The following PLEKHG1 variants were observed in gnomAD, a reference collection of about 807,000 sequenced individuals.
The protein encoded by PLEKHG1 is pleckstrin homology and RhoGEF domain containing G1.
A neutral mutation model predicts 100.8 loss-of-function variants in PLEKHG1; 44 were observed. The observed-to-expected ratio is 0.44, with a 90% CI of 0.34 to 0.56. The LOEUF is 0.56. Among genes scored for constraint, PLEKHG1 ranks in the 20% least tolerant of loss-of-function variants. The probability of loss-of-function intolerance (pLI) is 0.01; values close to 1 mark genes in which losing one functional copy is unlikely to be tolerated. For synonymous variants in PLEKHG1, 640 were observed against 662.5 expected (o/e 0.97, Z 0.52); for missense variants, 1,545 against 1,720.9 (o/e 0.90, Z 1.81).
At chr6:150,735,735 C>T (rs1365558930) in intron 2 of PLEKHG1, among the ~76,000 whole-genome samples, 2 of 152,092 alleles carry the variant, frequency 1.3e-5, no homozygotes, top group African/African-American at 2.4e-5. Context: ...TTAAAGCTTT[C>T]TTTGGGCTAT....
intron 15 of PLEKHG1, among the ~76,000 whole-genome samples, chr6:150,839,307 G>A (rs986686126): frequency 2.0e-5 from 3 of 152,108 alleles, no homozygotes; most frequent in Non-Finnish European, 2.9e-5. Context: ...GTAGAGATGG[G>A]GTTTCACCAT....
At chr6:150,696,482 C>T (rs1226822105) in intron 3 of PLEKHG1, among the ~76,000 whole-genome samples, 2 of 152,156 alleles carry the variant, frequency 1.3e-5, no homozygotes, top group African/African-American at 4.8e-5. Flanking sequence ...TACACACACA[C>T]ACGGCACGCA....
Position 150,737,805 on chromosome 6 carries a change from CTTTA to C in PLEKHG1, c.411+3719_411+3722del, listed in dbSNP as rs550670553. Among the ~76,000 whole-genome samples, 29 of 151,824 alleles carry C rather than the reference CTTTA, an allele frequency of 1.9e-4. No individual in the cohort carries two copies. The South Asian group carries it at 4.0e-3, about 21-fold the overall frequency. On this transcript the variant is annotated intron_variant, in intron 2 of 15. Transcript: ENST00000358517. ...AAGACGGACTTTTTTTTAGTTGGCT[CTTTA>C]TTTATCTATTTTGAATAAGCATCTC...
chr6:150,764,709 A>G (rs1192001037), intron 2 of PLEKHG1, among the ~76,000 whole-genome samples: 2 of 151,804 alleles, frequency 1.3e-5, no homozygotes, highest in Admixed American at 1.3e-4. Context: ...GGCCTCCTAG[A>G]TGTTGTCTTC....
intron 3 of PLEKHG1, among the ~76,000 whole-genome samples, chr6:150,709,124 G>T (rs1325641557): frequency 3.3e-5 from 5 of 152,174 alleles, no homozygotes; most frequent in Admixed American, 3.3e-4. Flanking sequence ...ACAAGGTCAG[G>T]AGATCGAGAT....
At chr6:150,760,970 G>A (rs1294858594) in intron 2 of PLEKHG1, among the ~76,000 whole-genome samples, 1 of 151,748 alleles carries the variant, frequency 6.6e-6, no homozygotes, top group African/African-American at 2.4e-5. Context: ...TTAGTGTTAT[G>A]TTTATACCAA....
In PLEKHG1 at chr6:150,656,184, G is replaced by C. The variant is rs569678954; in HGVS notation, c.-99+5398G>C. The stretch of plus-strand genomic sequence containing the variant: ...GTGGTATAGGGACTAGACATTTTGT[G>C]GGGGAGACTTCCTCATTGTAGACCC... On this transcript the variant is annotated intron_variant, in intron 3 of 3. Transcript: ENST00000367326. Among the ~76,000 whole-genome samples, 35 of 152,248 alleles carry C rather than the reference G, an allele frequency of 2.3e-4. 1 individual carries two copies. In the South Asian group the frequency reaches 7.1e-3, roughly 31 times the overall value.
At chr6:150,728,057 C>T (rs1782046843) in intron 1 of PLEKHG1, among the ~76,000 whole-genome samples, 1 of 152,142 alleles carries the variant, frequency 6.6e-6, no homozygotes, top group South Asian at 2.1e-4. Flanking sequence ...GACCTCCCAA[C>T]TCTATTTTTG....
intron 3 of PLEKHG1, among the ~76,000 whole-genome samples, chr6:150,776,098 C>T (rs1784945497): frequency 1.3e-5 from 2 of 152,184 alleles, no homozygotes; most frequent in African/African-American, 4.8e-5. Flanking sequence ...AAGTTCGCAT[C>T]AGGGGTCAGA....
At chr6:150,763,120 C>G (rs1172547376) in intron 2 of PLEKHG1, among the ~76,000 whole-genome samples, 1 of 150,010 alleles carries the variant, frequency 6.7e-6, no homozygotes, top group Non-Finnish European at 1.5e-5. Flanking sequence ...CTCCGCATCC[C>G]AGGTTCAAGC....
exon 16 of PLEKHG1, chr6:150,840,671 T>C (rs1219433614): frequency 3.7e-6 from 6 of 1,614,184 alleles, no homozygotes; most frequent in Non-Finnish European, 1.7e-6. Flanking sequence ...ATGCTGACTT[T>C]TCTGATAATG....
At chr6:150,799,248 C>A (rs1786550669) in intron 5 of PLEKHG1, among the ~76,000 whole-genome samples, 1 of 152,194 alleles carries the variant, frequency 6.6e-6, no homozygotes, top group African/African-American at 2.4e-5. Context: ...CCTTCTCCCA[C>A]TTAACAAGCC....
In PLEKHG1 at chr6:150,614,334, CAG is replaced by C. The variant is rs1284907589; in HGVS notation, c.-204+14320_-204+14321del. Among the ~76,000 whole-genome samples, 7 of 152,326 alleles carry C rather than the reference CAG, an allele frequency of 4.6e-5. No homozygotes were observed. In the East Asian group the frequency reaches 1.3e-3, roughly 29 times the overall value. On this transcript the variant is annotated intron_variant, in intron 1 of 3. Transcript: ENST00000367326. Reference sequence around the variant, plus strand: ...ATGAAGGTCACGTAGTTCACACTCACAGAGTTGGATGGACTCTTTTGACTAGG... The same window carrying C: ...ATGAAGGTCACGTAGTTCACACTCACAGTTGGATGGACTCTTTTGACTAGG...
At chr6:150,832,016 A>G in exon 15 of PLEKHG1, 2 of 1,614,046 alleles carry the variant, frequency 1.2e-6, no homozygotes, top group East Asian at 4.5e-5. Flanking sequence ...GATGGAGGCC[A>G]CAGATAAGAC....
chr6:150,792,209 T>A (rs1786021802), intron 4 of PLEKHG1, among the ~76,000 whole-genome samples: 1 of 151,864 alleles, frequency 6.6e-6, no homozygotes, highest in Admixed American at 6.6e-5. Flanking sequence ...ATACAAAAAT[T>A]AGCCGGGCGT....
At chr6:150,690,783 A>G (rs941773878) in intron 3 of PLEKHG1, among the ~76,000 whole-genome samples, 2 of 152,212 alleles carry the variant, frequency 1.3e-5, no homozygotes, top group African/African-American at 2.4e-5. Context: ...TTATGTTGCA[A>G]ACAAGTTATT....
Position 150,756,433 on chromosome 6 carries a change from C to T in PLEKHG1, c.412-12205C>T, listed in dbSNP as rs935376528. ...TCCTCATTGTTTTTGATACAATGAGCGGAATAACTTAGCCATGAGTTTCCA... is the reference window on the plus strand; with the variant it reads ...TCCTCATTGTTTTTGATACAATGAGTGGAATAACTTAGCCATGAGTTTCCA... On this transcript the variant is annotated intron_variant, in intron 2 of 15. Transcript: ENST00000358517. Among the ~76,000 whole-genome samples the T allele has an allele frequency of 4.6e-5, 7 of 152,112 alleles. 1 individual carries two copies. In the East Asian group the frequency reaches 7.7e-4, roughly 17 times the overall value.
chr6:150,700,631 A>C (rs192858951), intron 3 of PLEKHG1, among the ~76,000 whole-genome samples: 130 of 152,322 alleles, frequency 8.5e-4, no homozygotes, highest in African/African-American at 3.1e-3. Flanking sequence ...ATAAACACAC[A>C]TATCTGGCAG....
At chr6:150,671,756 G>C (rs958944000) in intron 3 of PLEKHG1, among the ~76,000 whole-genome samples, 9 of 152,214 alleles carry the variant, frequency 5.9e-5, no homozygotes, top group Middle Eastern at 3.2e-3. Context: ...GACTAGGGAA[G>C]ACCTACATGA....
Sources: allele counts gnomAD v4.1 joint callset (sites outside exome capture counted in the v4.1 genomes callset), GRCh38; gene constraint gnomAD v4.1.1; transcripts MANE v1.5; gene names NCBI Gene and HGNC (gene_info 2026-07-23, HGNC 2026-07-21).